GNAO1: variants seen among roughly 807,000 people sequenced by gnomAD.
GNAO1 encodes the protein guanine nucleotide-binding protein G(o) subunit alpha.
For synonymous variants in GNAO1, 164 were observed against 180.7 expected (o/e 0.91, Z 0.74); for missense variants, 166 against 478.7 (o/e 0.35, Z 6.10).
At chr16:56,220,745 T>G (rs1022072040) in intron 2 of GNAO1, among the ~76,000 whole-genome samples, 1 of 151,892 alleles carries the variant, frequency 6.6e-6, no homozygotes, top group Non-Finnish European at 1.5e-5. Flanking sequence ...TTTTTTGTTG[T>G]TGTTGTTGTT....
intron 2 of GNAO1, among the ~76,000 whole-genome samples, chr16:56,202,336 A>G (rs1297533396): frequency 6.6e-6 from 1 of 152,194 alleles, no homozygotes; most frequent in Non-Finnish European, 1.5e-5. Context: ...TGGAGTTAAG[A>G]AATGTGTGGG....
intron 2 of GNAO1, among the ~76,000 whole-genome samples, chr16:56,252,600 G>A (rs2143459167): frequency 6.6e-6 from 1 of 152,352 alleles, no homozygotes; most frequent in African/African-American, 2.4e-5. Context: ...TCGTGAGGAT[G>A]AAATGGGGAG....
At position 56,356,519 on chromosome 16, in the gene GNAO1, G is replaced by A. The variant is rs1323880694; in HGVS notation, c.*445G>A. Reference sequence around the variant, plus strand: ...TGGTCCGAGGAGTGTGCTCAGGCCGGGCTTTCCAGAAGGCCACAGGCCACT... The same window carrying A: ...TGGTCCGAGGAGTGTGCTCAGGCCGAGCTTTCCAGAAGGCCACAGGCCACT... On this transcript the variant is annotated 3_prime_UTR_variant, in exon 9 of 9. Coordinates refer to ENST00000262493, the MANE Select transcript of GNAO1 (RefSeq NM_020988.3). 2 of 152,412 alleles carry A rather than the reference G, an allele frequency of 1.3e-5. No individual in the cohort carries two copies. The highest frequency in any genetic ancestry group is 2.4e-5 in the African/African-American group (1 of 41,444). The allele number at this position is 152,412 out of a possible 1,614,324, so 9.4% of individuals were successfully genotyped here.
chr16:56,317,545 C>G (rs1343195889), intron 3 of GNAO1, among the ~76,000 whole-genome samples: 1 of 152,032 alleles, frequency 6.6e-6, no homozygotes, highest in African/African-American at 2.4e-5. Context: ...GGATGAGTAA[C>G]TAAGGGATAG....
At chr16:56,314,163 CTTTAGGTA>C (rs2037485707) in intron 3 of GNAO1, among the ~76,000 whole-genome samples, 1 of 152,164 alleles carries the variant, frequency 6.6e-6, no homozygotes. Flanking sequence ...TTGAGAAAAG[CTTTAGGTA>C]TTGGGAAGTT....
At chr16:56,332,275 C>A (rs1378518360) in intron 4 of GNAO1, among the ~76,000 whole-genome samples, 1 of 152,176 alleles carries the variant, frequency 6.6e-6, no homozygotes, top group Non-Finnish European at 1.5e-5. Flanking sequence ...GCCACCCTCA[C>A]CTCCACCACC....
intron 6 of GNAO1, chr16:56,343,887 T>C: frequency 6.2e-7 from 1 of 1,614,188 alleles, no homozygotes; most frequent in Non-Finnish European, 8.5e-7. Context: ...ACATCCAGTT[T>C]GTCTTTGATG....
intron 2 of GNAO1, among the ~76,000 whole-genome samples, chr16:56,196,909 C>G (rs1375216521): frequency 1.3e-5 from 2 of 152,210 alleles, no homozygotes; most frequent in African/African-American, 2.4e-5. Flanking sequence ...AGAACAGACC[C>G]TACCCTGTCA....
intron 2 of GNAO1, among the ~76,000 whole-genome samples, chr16:56,222,809 G>A (rs1314065556): frequency 1.3e-5 from 2 of 152,118 alleles, no homozygotes; most frequent in Non-Finnish European, 1.5e-5. Flanking sequence ...ATGTGACACG[G>A]CTTTGCTGCT....
chr16:56,313,164 C>T (rs2037476294), intron 3 of GNAO1, among the ~76,000 whole-genome samples: 1 of 152,140 alleles, frequency 6.6e-6, no homozygotes, highest in Non-Finnish European at 1.5e-5. Context: ...AAGTATTACT[C>T]ATTCGGTGAT....
chr16:56,229,002 A>G (rs538455927), intron 2 of GNAO1, among the ~76,000 whole-genome samples: 3 of 152,338 alleles, frequency 2.0e-5, no homozygotes, highest in South Asian at 4.1e-4. Flanking sequence ...TGTGTGGTAC[A>G]TAGTAGGAGC....
chr16:56,240,192 GAA>G (rs2036680850), intron 2 of GNAO1, among the ~76,000 whole-genome samples: 1 of 152,186 alleles, frequency 6.6e-6, no homozygotes, highest in South Asian at 2.1e-4. Context: ...AGCCTCCAGG[GAA>G]GTGTCCTCTC....
At chr16:56,241,270 G>A (rs760495686) in intron 2 of GNAO1, among the ~76,000 whole-genome samples, 5 of 152,200 alleles carry the variant, frequency 3.3e-5, no homozygotes, top group Non-Finnish European at 7.3e-5. Context: ...CAGTGTGAAT[G>A]AGTAGCAGTG....
chr16:56,270,802 A>G (rs141977274), intron 2 of GNAO1: 1 of 152,202 alleles, frequency 6.6e-6, no homozygotes, highest in Admixed American at 6.5e-5. Context: ...TATTTGGCTC[A>G]TATCACTCAA....
intron 2 of GNAO1, among the ~76,000 whole-genome samples, chr16:56,258,921 T>G (rs1222886422): frequency 1.3e-5 from 2 of 152,238 alleles, no homozygotes; most frequent in Non-Finnish European, 2.9e-5. Flanking sequence ...TTATTGCTTC[T>G]CATTTTGACA....
At chr16:56,251,816 C>G (rs2036802336) in intron 2 of GNAO1, among the ~76,000 whole-genome samples, 1 of 152,136 alleles carries the variant, frequency 6.6e-6, no homozygotes, top group South Asian at 2.1e-4. Context: ...CCCTCTCACT[C>G]TGCACTCCAG....
chr16:56,214,452 G>T (rs1401113084), intron 2 of GNAO1, among the ~76,000 whole-genome samples: 8 of 152,128 alleles, frequency 5.3e-5, no homozygotes, highest in Admixed American at 4.6e-4. Flanking sequence ...AAGTTTAGTG[G>T]TATACAAATA....
At chr16:56,309,060 C>T (rs1015903025) in intron 3 of GNAO1, among the ~76,000 whole-genome samples, 9 of 152,206 alleles carry the variant, frequency 5.9e-5, no homozygotes, top group East Asian at 3.9e-4. Context: ...TATGGCTCCC[C>T]GCAGGCCCTC....
chr16:56,293,204 G>A (rs2037249359), intron 3 of GNAO1, among the ~76,000 whole-genome samples: 1 of 152,224 alleles, frequency 6.6e-6, no homozygotes, highest in Non-Finnish European at 1.5e-5. Context: ...TGTCAATAGG[G>A]AGCCAGTCTC....
Sources: allele counts gnomAD v4.1 joint callset (sites outside exome capture counted in the v4.1 genomes callset), GRCh38; gene constraint gnomAD v4.1.1; transcripts MANE v1.5; gene names NCBI Gene and HGNC (gene_info 2026-07-23, HGNC 2026-07-21).